Variants in STK3 observed in about 807,000 individuals in gnomAD.
STK3 encodes the protein serine/threonine-protein kinase 3.
A neutral mutation model predicts 58.0 loss-of-function variants in STK3; 41 were observed. The observed-to-expected ratio is 0.71, with a 90% CI of 0.55 to 0.92. The LOEUF is 0.92. Ranked by LOEUF, STK3 falls within the 40% of genes least tolerant of loss-of-function variation. STK3 has a pLI of 0.00. For synonymous variants in STK3, 170 were observed against 191.0 expected (o/e 0.89, Z 0.91); for missense variants, 479 against 602.7 (o/e 0.79, Z 2.15).
At chr8:98,415,729 A>G (rs1818107686) in intron 3 of STK3, among the ~76,000 whole-genome samples, 1 of 152,244 alleles carries the variant, frequency 6.6e-6, no homozygotes, top group East Asian at 1.9e-4. Flanking sequence ...AATTTTCTCT[A>G]GACTCAATAA....
At chr8:98,411,182 G>GA (rs1467056603) in intron 3 of STK3, among the ~76,000 whole-genome samples, 1 of 152,154 alleles carries the variant, frequency 6.6e-6, no homozygotes, top group Non-Finnish European at 1.5e-5. Context: ...AATCCTTGAG[G>GA]AAAAAATGAA....
chr8:98,708,082 T>G (rs547087009), intron 4 of STK3, among the ~76,000 whole-genome samples: 1 of 151,260 alleles, frequency 6.6e-6, no homozygotes, highest in South Asian at 2.1e-4. Context: ...GAGGTTGCAG[T>G]GAGCTGAGAT....
At chr8:98,559,764 C>T (rs1054342687) in intron 8 of STK3, among the ~76,000 whole-genome samples, 19 of 152,030 alleles carry the variant, frequency 1.2e-4, no homozygotes. Flanking sequence ...ACTTCAGCCA[C>T]AGTGTAAGTG....
chr8:98,529,824 A>C (rs531452174), intron 9 of STK3, among the ~76,000 whole-genome samples: 1 of 152,332 alleles, frequency 6.6e-6, no homozygotes, highest in South Asian at 2.1e-4. Flanking sequence ...AGAGTAGTCA[A>C]CATCATAGAG....
chr8:98,722,232 C>T (rs1013224778), intron 4 of STK3, among the ~76,000 whole-genome samples: 4 of 152,088 alleles, frequency 2.6e-5, no homozygotes, highest in African/African-American at 9.7e-5. Context: ...TTCTTCCTTC[C>T]ACTACAATAA....
intron 10 of STK3, among the ~76,000 whole-genome samples, chr8:98,469,899 T>C (rs1251270959): frequency 6.6e-6 from 1 of 152,218 alleles, no homozygotes; most frequent in African/African-American, 2.4e-5. Flanking sequence ...TATTAGTAAC[T>C]GACTGACATA....
At chr8:98,854,284 GCC>G (rs1836587342) in intron 3 of STK3, among the ~76,000 whole-genome samples, 1 of 151,990 alleles carries the variant, frequency 6.6e-6, no homozygotes, top group African/African-American at 2.4e-5. Context: ...GATTACAGGT[GCC>G]CACCACAATG....
chr8:98,818,511 A>T (rs2131717781), intron 1 of STK3, among the ~76,000 whole-genome samples: 1 of 151,952 alleles, frequency 6.6e-6, no homozygotes, highest in Non-Finnish European at 1.5e-5. Context: ...AGAGTCAAGA[A>T]AATTAGCTGC....
intron 3 of STK3, among the ~76,000 whole-genome samples, chr8:98,762,788 T>C (rs1477780196): frequency 6.6e-6 from 1 of 152,220 alleles, no homozygotes; most frequent in East Asian, 1.9e-4. Context: ...ACCTGCCACA[T>C]AGTATTGCTA....
chr8:98,905,207 A>C, intron 1 of STK3: 1 of 958,536 alleles, frequency 1.0e-6, no homozygotes, highest in Non-Finnish European at 1.7e-6. Flanking sequence ...TTCCAGGGGC[A>C]GTCCGAAGTC....
rs1034159806 is a variant in STK3, at chr8:98,455,080, C to CT, written c.*761dup. On this transcript the variant is annotated 3_prime_UTR_variant, in exon 11 of 11. Transcript: ENST00000419617. ...TTTTTATTTAAAAATATTTATCACA[C>CT]TTTTTTGTGCAAGGGTTCCATTGAT... 62 of 152,652 alleles carry CT rather than the reference C, an allele frequency of 4.1e-4. No homozygotes were observed. Among genetic ancestry groups the CT allele is most frequent in the African/African-American group, 1.4e-3 (58 of 41,546 alleles). The allele number at this position is 152,652 out of a possible 1,614,324, so 9.5% of individuals were successfully genotyped here. A position where few individuals can be genotyped will look rare whatever the true frequency, so the allele number is the denominator to read the frequency against.
chr8:98,850,816 G>C (rs1411107862), intron 3 of STK3, among the ~76,000 whole-genome samples: 1 of 152,096 alleles, frequency 6.6e-6, no homozygotes, highest in Non-Finnish European at 1.5e-5. Flanking sequence ...GCAGTGGAAG[G>C]GTTTAAACAG....
intron 3 of STK3, among the ~76,000 whole-genome samples, chr8:98,759,744 G>A (rs1031419519): frequency 6.6e-6 from 1 of 152,090 alleles, no homozygotes; most frequent in Non-Finnish European, 1.5e-5. Context: ...TCAGCCATAT[G>A]CCTAAGAATT....
intron 6 of STK3, among the ~76,000 whole-genome samples, chr8:98,695,765 A>C (rs1022120840): frequency 6.6e-6 from 1 of 152,104 alleles, no homozygotes; most frequent in Admixed American, 6.6e-5. Context: ...TGTTTTGGTT[A>C]CTGTAGCCTT....
chr8:98,506,639 A>C (rs1337402069), intron 10 of STK3, among the ~76,000 whole-genome samples: 2 of 152,114 alleles, frequency 1.3e-5, no homozygotes, highest in African/African-American at 4.8e-5. Context: ...TGAACCCAGG[A>C]GGCAGAGGTT....
intron 3 of STK3, among the ~76,000 whole-genome samples, chr8:98,837,190 G>A (rs935409619): frequency 6.6e-6 from 1 of 151,912 alleles, no homozygotes; most frequent in African/African-American, 2.4e-5. Flanking sequence ...CCTATGAAGG[G>A]AAAATATAGA....
chr8:98,649,827 C>A (rs1006498741), intron 6 of STK3, among the ~76,000 whole-genome samples: 2 of 152,136 alleles, frequency 1.3e-5, no homozygotes, highest in African/African-American at 2.4e-5. Flanking sequence ...CATGGCAACA[C>A]AATATTATAA....
chr8:98,722,829 C>T (rs1356350057), intron 4 of STK3: 1 of 474,026 alleles, frequency 2.1e-6, no homozygotes, highest in Non-Finnish European at 4.1e-6. Flanking sequence ...CTGAAAACAC[C>T]AAGAGGGAGA....
intron 1 of STK3, among the ~76,000 whole-genome samples, chr8:98,821,377 G>A (rs932805704): frequency 2.6e-5 from 4 of 152,024 alleles, no homozygotes; most frequent in African/African-American, 9.7e-5. Context: ...CCACGAGACT[G>A]GTCCCTGGTG....
Sources: gnomAD v4.1 joint callset for allele counts (sites outside exome capture counted in the v4.1 genomes callset) on GRCh38, gnomAD v4.1.1 for gene constraint, MANE v1.5 for transcripts, NCBI Gene and HGNC (gene_info 2026-07-23, HGNC 2026-07-21) for gene names.